SUMF1: variants seen among roughly 807,000 people sequenced by gnomAD.
SUMF1 encodes the protein sulfatase modifying factor 1, also known as formylglycine-generating enzyme.
A neutral mutation model predicts 47.6 loss-of-function variants in SUMF1; 48 were observed. That is an observed-to-expected ratio of 1.01 (90% CI 0.80 to 1.28). The LOEUF (loss-of-function observed/expected upper bound fraction) is 1.28, where lower values mean the gene tolerates loss of function less well. SUMF1 is among the 50% of genes most tolerant of loss of function. The pLI, the probability that SUMF1 is intolerant of heterozygous loss-of-function variation, is 0.00. For synonymous variants in SUMF1, 230 were observed against 192.1 expected (o/e 1.20, Z -1.63); for missense variants, 571 against 485.4 (o/e 1.18, Z -1.66).
chr3:4,063,112 A>G (rs1225325137), intron 9 of SUMF1, among the ~76,000 whole-genome samples: 1 of 151,882 alleles, frequency 6.6e-6, no homozygotes, highest in East Asian at 1.9e-4. Context: ...GATCTGAGAG[A>G]CTACACTTTT....
At chr3:4,169,818 C>T (rs1038966543) in intron 8 of SUMF1, among the ~76,000 whole-genome samples, 1 of 152,260 alleles carries the variant, frequency 6.6e-6, no homozygotes, top group Admixed American at 6.5e-5. Flanking sequence ...TAGTATCAGG[C>T]ATTAAGGACT....
intron 8 of SUMF1, among the ~76,000 whole-genome samples, chr3:4,282,432 G>C (rs1176804545): frequency 1.3e-5 from 2 of 152,192 alleles, no homozygotes; most frequent in African/African-American, 4.8e-5. Flanking sequence ...ACAATAATTA[G>C]TTAGAATAAA....
At chr3:4,095,081 TG>T (rs1348709140) in intron 8 of SUMF1, among the ~76,000 whole-genome samples, 1 of 152,154 alleles carries the variant, frequency 6.6e-6, no homozygotes, top group Non-Finnish European at 1.5e-5. Flanking sequence ...GGATAATTGC[TG>T]TGTCACCTAC....
Position 4,184,301 on chromosome 3 carries a change from C to CA in SUMF1, c.1015-115557dup, listed in dbSNP as rs536492699. 7.9e-5 allele frequency among the ~76,000 whole-genome samples: 12 copies of CA among 151,822 alleles called. No individual in the cohort carries two copies. The South Asian group carries it at 2.5e-3, about 32-fold the overall frequency. ...CAAAACCCTGTCTCTACTAAAAATA[C>CA]AAAAATTAGCCGGGCATGGTGTTGT... is the stretch of plus-strand genomic sequence containing the variant. On this transcript the variant is annotated intron_variant and NMD_transcript_variant, in intron 8 of 12. Coordinates refer to the SUMF1 transcript ENST00000448413.
chr3:4,450,059 A>G (rs1298168422), intron 2 of SUMF1, among the ~76,000 whole-genome samples: 1 of 152,004 alleles, frequency 6.6e-6, no homozygotes, highest in East Asian at 1.9e-4. Flanking sequence ...CTGCAATTCT[A>G]CTACACCAGT....
At chr3:4,039,679 A>T (rs536651842) in intron 9 of SUMF1, among the ~76,000 whole-genome samples, 2 of 152,160 alleles carry the variant, frequency 1.3e-5, no homozygotes, top group South Asian at 4.2e-4. Context: ...AGGTGAAGAA[A>T]GCTCAATATT....
intron 8 of SUMF1, among the ~76,000 whole-genome samples, chr3:4,243,703 T>A (rs1696596963): frequency 6.6e-6 from 1 of 152,148 alleles, no homozygotes; most frequent in South Asian, 2.1e-4. Flanking sequence ...AGTTTTAGAG[T>A]AAGTATGATG....
intron 8 of SUMF1, among the ~76,000 whole-genome samples, chr3:4,340,105 G>GCACACACACA (rs143927076): frequency 1.3e-4 from 19 of 150,568 alleles, no homozygotes; most frequent in East Asian, 5.9e-4. Context: ...GCACCAATGT[G>GCACACACACA]CACACACACA....
chr3:4,090,553 C>G (rs1432681692), intron 8 of SUMF1, among the ~76,000 whole-genome samples: 1 of 152,094 alleles, frequency 6.6e-6, no homozygotes, highest in East Asian at 1.9e-4. Flanking sequence ...ATATAAACCA[C>G]TGTAAAATAA....
intron 8 of SUMF1, among the ~76,000 whole-genome samples, chr3:4,113,417 T>C (rs955341752): frequency 1.8e-4 from 28 of 151,870 alleles, no homozygotes; most frequent in African/African-American, 6.5e-4. Flanking sequence ...TAGTCCCAGC[T>C]ATGTGGGGGG....
intron 8 of SUMF1, among the ~76,000 whole-genome samples, chr3:4,289,801 CA>C (rs1247302158): frequency 2.0e-5 from 3 of 149,294 alleles, no homozygotes; most frequent in African/African-American, 7.7e-5. Flanking sequence ...GCACAATGGC[CA>C]ACACACAGTT....
rs556514931 is a variant in SUMF1 at position 4,322,190 on chromosome 3, C to G, written c.1014+54140G>C. ...GTAATGTGGTGTCCTGGATGAGATA[C>G]TAGAACCAAAACAGACAGGTAAAAC... On this transcript the variant is annotated intron_variant and NMD_transcript_variant, in intron 8 of 12. Coordinates refer to the SUMF1 transcript ENST00000448413. 2.5e-4 allele frequency among the ~76,000 whole-genome samples: 38 copies of G among 152,158 alleles called. No individual in the cohort carries two copies. In the South Asian group the frequency reaches 7.9e-3, roughly 32 times the overall value.
intron 8 of SUMF1, among the ~76,000 whole-genome samples, chr3:4,306,193 G>C (rs150039935): frequency 6.6e-6 from 1 of 152,082 alleles, no homozygotes; most frequent in East Asian, 1.9e-4. Context: ...CCAATCTTGA[G>C]TCATATTTTT....
At chr3:4,105,058 G>A (rs57117236) in intron 8 of SUMF1, among the ~76,000 whole-genome samples, 17,930 of 152,120 alleles carry the variant, frequency 0.12, 2,134 homozygotes, top group African/African-American at 0.29. Context: ...GTTTTTAAAA[G>A]AGAAGGAAAT....
chr3:4,298,454 A>G (rs1697902656), intron 8 of SUMF1, among the ~76,000 whole-genome samples: 1 of 152,210 alleles, frequency 6.6e-6, no homozygotes, highest in Non-Finnish European at 1.5e-5. Flanking sequence ...CATGCACAAA[A>G]TATCTTATTC....
intron 2 of SUMF1, among the ~76,000 whole-genome samples, chr3:4,452,391 G>A (rs1255223021): frequency 6.6e-6 from 1 of 152,138 alleles, no homozygotes; most frequent in East Asian, 1.9e-4. Flanking sequence ...TTGGAATAAA[G>A]ACACGAAAAT....
chr3:4,219,300 C>T (rs1696010865), intron 8 of SUMF1, among the ~76,000 whole-genome samples: 1 of 152,146 alleles, frequency 6.6e-6, no homozygotes, highest in Non-Finnish European at 1.5e-5. Flanking sequence ...AATGAAGAGG[C>T]AGAGGAGGTA....
chr3:4,279,203 C>T (rs998896183), intron 8 of SUMF1, among the ~76,000 whole-genome samples: 1 of 152,070 alleles, frequency 6.6e-6, no homozygotes, highest in South Asian at 2.1e-4. Context: ...TAGTATTACA[C>T]TGAAGTACTA....
At chr3:4,162,067 T>A (rs1473751090) in intron 8 of SUMF1, among the ~76,000 whole-genome samples, 2 of 152,044 alleles carry the variant, frequency 1.3e-5, no homozygotes, top group Non-Finnish European at 2.9e-5. Context: ...AGGCAGCAGT[T>A]TCCCTTCTGG....
Sources: gnomAD v4.1 joint callset for allele counts (sites outside exome capture counted in the v4.1 genomes callset) on GRCh38, gnomAD v4.1.1 for gene constraint, MANE v1.5 for transcripts, NCBI Gene and HGNC (gene_info 2026-07-23, HGNC 2026-07-21) for gene names.